Variants in KL observed in about 807,000 individuals in gnomAD.
KL encodes the protein alpha-klotho.
A neutral mutation model predicts 84.2 loss-of-function variants in KL; 62 were observed. The ratio of observed to expected loss-of-function variants is 0.74; its 90% CI spans 0.60 to 0.91. The LOEUF is 0.91. Among genes scored for constraint, KL ranks in the 40% least tolerant of loss-of-function variants. KL has a pLI of 0.00. For missense variants in KL, 1,261 were observed against 1,305.7 expected, an observed-to-expected ratio of 0.97 and a Z score of 0.53; for synonymous variants, 528 against 528.0, an observed-to-expected ratio of 1.00 and a Z score of 0.00.
intron 4 of KL, among the ~76,000 whole-genome samples, chr13:33,063,176 G>C (rs1038396714): frequency 2.0e-4 from 30 of 151,620 alleles, no homozygotes; most frequent in Non-Finnish European, 4.3e-4. Flanking sequence ...GGTAACCTAT[G>C]AATGTCATCA....
Position 33,016,728 on chromosome 13 carries a change from C to A in KL, c.288C>A (p.His96Gln), listed in dbSNP as rs764495584. 2.5e-6 allele frequency: 4 copies of A among 1,610,002 alleles called. No homozygotes were observed. The highest frequency in any genetic ancestry group is 4.5e-5 in the East Asian group (2 of 44,780). ...CCATCTGGGATACGTTCACCCACCA[C>A]CCCCTGGCACCCCCGGGAGACTCCC... The part of the protein sequence containing the change: ...GASIWDTFTH[H>Q]PLAPPGDSRN... The change falls in exon 1 of 5, where the codon CAC becomes CAA. Residue 96 changes from histidine to glutamine, a missense_variant. Transcript: ENST00000380099.
rs554397294 is a variant in KL, at chr13:33,043,257, T to G, written c.820-10510T>G. 2.4e-4 allele frequency among the ~76,000 whole-genome samples: 37 copies of G among 151,540 alleles called. No individual in the cohort carries two copies. The South Asian group carries it at 7.1e-3, about 29-fold the overall frequency. On this transcript the variant is annotated intron_variant, in intron 1 of 4. Transcript: ENST00000380099. ...TTTTTTTTTTGAGGCAGCATCTCAC[T>G]GTGTTGCCCAGGCATACAATGGTGT...
At chr13:33,026,548 G>A (rs1053070253) in intron 1 of KL, among the ~76,000 whole-genome samples, 1 of 152,266 alleles carries the variant, frequency 6.6e-6, no homozygotes, top group South Asian at 2.1e-4. Context: ...CTAAGTCGGG[G>A]AACTGTACAA....
Position 33,016,830 on chromosome 13 carries a change from C to T in KL, c.390C>T (p.Asn130=), listed in dbSNP as rs917636232. ...ATGDVASDSY[N]NVFRDTEALR... Reference sequence around the variant, plus strand: ...GGGACGTAGCCAGCGACAGCTACAACAACGTCTTCCGCGACACGGAGGCGC... The same window carrying T: ...GGGACGTAGCCAGCGACAGCTACAATAACGTCTTCCGCGACACGGAGGCGC... The change falls in exon 1 of 5, where the codon AAC becomes AAT. Residue 130 remains asparagine (N), a synonymous_variant. Transcript: ENST00000380099. 1 of 1,612,820 alleles carries T rather than the reference C, an allele frequency of 6.2e-7. No individual in the cohort carries two copies. The highest frequency in any genetic ancestry group is 8.5e-7 in the Non-Finnish European group (1 of 1,179,840).
chr13:33,031,070 A>G (rs1870953744), intron 1 of KL, among the ~76,000 whole-genome samples: 1 of 152,232 alleles, frequency 6.6e-6, no homozygotes, highest in Non-Finnish European at 1.5e-5. Context: ...AATGCCCCAG[A>G]ACTGAAGAAC....
rs1193767738 is a variant in KL at position 33,060,840 on chromosome 13, A to G, written c.1761A>G (p.Glu587=). ...AIQPQIALLQ[E]MHVTHFRFSL... is the part of the protein sequence containing the mutation. ...AGCCCCAGATCGCTTTACTCCAGGA[A>G]ATGCACGTTACACATTTTCGCTTCT... The change falls in exon 4 of 5, where the codon GAA becomes GAG. Residue 587 remains glutamate, a synonymous_variant. Transcript: ENST00000380099. 1.2e-6 allele frequency: 2 copies of G among 1,614,074 alleles called. No homozygotes were observed. Among genetic ancestry groups the G allele is most frequent in the African/African-American group, 2.7e-5 (2 of 74,934 alleles).
intron 1 of KL, among the ~76,000 whole-genome samples, chr13:33,046,520 C>G (rs1309506123): frequency 6.6e-6 from 1 of 152,052 alleles, no homozygotes; most frequent in Non-Finnish European, 1.5e-5. Flanking sequence ...TAATTTGCTT[C>G]TTTTCTCTTT....
chr13:33,053,548 C>A (rs1871830189), intron 1 of KL, among the ~76,000 whole-genome samples: 1 of 152,220 alleles, frequency 6.6e-6, no homozygotes, highest in Non-Finnish European at 1.5e-5. Flanking sequence ...TTTCCACTGA[C>A]TGCTAAAGAC....
At chr13:33,023,331 C>T (rs1172690397) in intron 1 of KL, among the ~76,000 whole-genome samples, 2 of 152,134 alleles carry the variant, frequency 1.3e-5, no homozygotes, top group Admixed American at 6.5e-5. Flanking sequence ...ATACAAAAAG[C>T]TCTACAAAAG....
At chr13:33,056,911 G>A (rs1388246173) in intron 3 of KL, among the ~76,000 whole-genome samples, 1 of 152,100 alleles carries the variant, frequency 6.6e-6, no homozygotes, top group Non-Finnish European at 1.5e-5. Flanking sequence ...TTTCTGCCCT[G>A]CCCCGACTCT....
chr13:33,036,040 C>T (rs776366511), intron 1 of KL, among the ~76,000 whole-genome samples: 2 of 152,064 alleles, frequency 1.3e-5, no homozygotes, highest in Non-Finnish European at 2.9e-5. Context: ...AACAAAACTC[C>T]AAAATTACAA....
intron 1 of KL, 86 bp downstream of exon 1, chr13:33,017,345 TC>T: frequency 7.9e-7 from 1 of 1,263,034 alleles, no homozygotes; most frequent in Non-Finnish European, 1.1e-6. Flanking sequence ...GAACTGAGTC[TC>T]CCCCAGACGA....
In KL at chr13:33,061,375, G is replaced by A. The variant is rs114752661; in HGVS notation, c.2296G>A (p.Gly766Ser). 570 of 1,614,112 alleles carry A rather than the reference G, an allele frequency of 3.5e-4. 1 individual carries two copies. In the African/African-American group the frequency reaches 6.2e-3, roughly 18 times the overall value. Reference protein sequence around the residue: ...DIGWLAEPIFGSGDYPWVMRD... With the variant: ...DIGWLAEPIFSSGDYPWVMRD... ...TGGCTGGCTGGCTGAGCCCATTTTC[G>A]GCTCTGGAGATTATCCATGGGTGAT... The change falls in exon 4 of 5, where the codon GGC becomes AGC. Residue 766 changes from glycine to serine, a missense_variant. Gly to Ser is a moderately conservative substitution (Grantham distance 56). Coordinates refer to ENST00000380099, the MANE Select transcript of KL (RefSeq NM_004795.4).
At chr13:33,022,554 T>C (rs1870615843) in intron 1 of KL, among the ~76,000 whole-genome samples, 1 of 152,208 alleles carries the variant, frequency 6.6e-6, no homozygotes, top group African/African-American at 2.4e-5. Flanking sequence ...ATAAGCAGAA[T>C]GTGACTTTTA....
intron 1 of KL, among the ~76,000 whole-genome samples, chr13:33,039,691 G>C (rs1237958656): frequency 6.6e-6 from 1 of 152,134 alleles, no homozygotes; most frequent in Non-Finnish European, 1.5e-5. Context: ...CTACTTCTTA[G>C]AAGAGGCAAG....
At chr13:33,019,203 T>C (rs1230499247) in intron 1 of KL, among the ~76,000 whole-genome samples, 1 of 152,202 alleles carries the variant, frequency 6.6e-6, no homozygotes, top group African/African-American at 2.4e-5. Flanking sequence ...TTGTATCTTA[T>C]TTAGAAGCGA....
intron 1 of KL, among the ~76,000 whole-genome samples, chr13:33,043,478 C>G (rs923611073): frequency 3.9e-5 from 6 of 152,202 alleles, no homozygotes; most frequent in African/African-American, 1.4e-4. Flanking sequence ...CCTCAGCCTC[C>G]CAAATTGCTG....
intron 1 of KL, among the ~76,000 whole-genome samples, chr13:33,025,312 A>C (rs1052713519): frequency 6.6e-6 from 1 of 152,178 alleles, no homozygotes; most frequent in Non-Finnish European, 1.5e-5. Context: ...TGCAGATCCT[A>C]CAGTGTCTGT....
intron 2 of KL, 104 bp from the exon 3 acceptor site, chr13:33,054,943 T>G (rs1237797596): frequency 7.0e-7 from 1 of 1,438,790 alleles, no homozygotes; most frequent in Non-Finnish European, 9.7e-7. Flanking sequence ...ACGAGAAGCA[T>G]TACACTTTAT....
Sources: allele counts gnomAD v4.1 joint callset (sites outside exome capture counted in the v4.1 genomes callset), GRCh38; gene constraint gnomAD v4.1.1; transcripts MANE v1.5; gene names NCBI Gene and HGNC (gene_info 2026-07-23, HGNC 2026-07-21).